USP31: variants seen among roughly 807,000 people sequenced by gnomAD.
USP31 encodes ubiquitin carboxyl-terminal hydrolase 31.
Under a neutral mutation model 119.4 loss-of-function variants are expected in USP31, and 44 were observed. The ratio of observed to expected loss-of-function variants is 0.37; its 90% CI spans 0.29 to 0.47. USP31 has a LOEUF of 0.47. Ranked by LOEUF, USP31 falls within the 20% of genes least tolerant of loss-of-function variation. The pLI is 0.99. For synonymous variants in USP31, 749 were observed against 705.6 expected (o/e 1.06, Z -0.97); for missense variants, 1,643 against 1,730.2 (o/e 0.95, Z 0.89).
chr16:23,106,930 T>A (rs538548197), intron 2 of USP31, among the ~76,000 whole-genome samples: 1 of 151,936 alleles, frequency 6.6e-6, no homozygotes, highest in Admixed American at 6.6e-5. Flanking sequence ...CTGACCAACA[T>A]GGAGAAACCC....
intron 6 of USP31, among the ~76,000 whole-genome samples, chr16:23,092,713 A>G (rs1901421149): frequency 6.6e-6 from 1 of 152,210 alleles, no homozygotes; most frequent in Non-Finnish European, 1.5e-5. Flanking sequence ...TCAAAGAAGA[A>G]TAAGTGAAAT....
chr16:23,088,562 G>T (rs943856060), intron 7 of USP31, among the ~76,000 whole-genome samples: 4 of 152,134 alleles, frequency 2.6e-5, no homozygotes, highest in Admixed American at 6.5e-5. Flanking sequence ...TGAATTCCCT[G>T]AATGTGTCCT....
chr16:23,144,945 G>A (rs572308048), intron 1 of USP31, among the ~76,000 whole-genome samples: 1 of 152,266 alleles, frequency 6.6e-6, no homozygotes, highest in African/African-American at 2.4e-5. Context: ...ATCACCTCTG[G>A]ATTTTCAACT....
Position 23,148,769 on chromosome 16 carries a change from G to A in USP31, c.502C>T (p.Pro168Ser). Residue 168 changes from proline to serine, a missense_variant, in exon 1 of 16, where the codon CCC (proline) becomes TCC (serine). Around this residue, in one of 5 missense-constraint regions of USP31, gnomAD observed 302 missense variants for 262.6 expected, o/e 1.15. Transcript: ENST00000219689. ...LGQYRAGRPEPSPDPEQPAGR... is the reference protein window; with the variant it reads ...LGQYRAGRPESSPDPEQPAGR... The stretch of plus-strand genomic sequence containing the variant: ...GCAGGCTGCTCCGGGTCAGGCGAGG[G>A]CTCGGGCCGCCCCGCCCGGTACTGG... 1 of 1,527,942 alleles carries A rather than the reference G, an allele frequency of 6.5e-7. No homozygotes were observed. Among genetic ancestry groups the A allele is most frequent in the Non-Finnish European group, 8.7e-7 (1 of 1,142,926 alleles). The allele number at this position is 1,527,942 out of a possible 1,614,324, so 94.6% of individuals were successfully genotyped here. A position where few individuals can be genotyped will look rare whatever the true frequency, so the allele number is the denominator to read the frequency against.
rs1178813324 is a variant in USP31, at chr16:23,063,125, C to A, written c.*4921G>T. On this transcript the variant is annotated 3_prime_UTR_variant, in exon 16 of 16. Transcript: ENST00000219689. ...TGATTCTAGTTAATGTGGGTCTTCA[C>A]TATCTCAGACAAGTCATTCAGAAGA... 2.0e-5 allele frequency: 3 copies of A among 152,220 alleles called. No individual in the cohort carries two copies. The highest frequency in any genetic ancestry group is 2.9e-5 in the Non-Finnish European group (2 of 68,042). The allele number at this position is 152,220 out of a possible 1,614,324, so 9.4% of individuals were successfully genotyped here. A position where few individuals can be genotyped will look rare whatever the true frequency, so the allele number is the denominator to read the frequency against.
chr16:23,108,037 C>A lies in USP31; in HGVS notation c.771+9G>T, dbSNP rs764270127. 1.9e-6 allele frequency: 3 copies of A among 1,609,082 alleles called. No individual in the cohort carries two copies. The highest frequency in any genetic ancestry group is 2.2e-5 in the East Asian group (1 of 44,754). ...TGGCTGACTGCCCTAGGGCAGCATG[C>A]GTCCTTACCTTCAGAGGAGGCTGGC... On this transcript the variant is annotated intron_variant, in intron 2 of 15. Transcript: ENST00000219689.
chr16:23,122,049 T>A (rs1385046716), intron 1 of USP31, among the ~76,000 whole-genome samples: 1 of 152,192 alleles, frequency 6.6e-6, no homozygotes, highest in Non-Finnish European at 1.5e-5. Context: ...AAAATCTGGA[T>A]ATATGGTTTG....
intron 2 of USP31, among the ~76,000 whole-genome samples, chr16:23,107,369 C>A (rs1439113381): frequency 6.6e-6 from 1 of 152,056 alleles, no homozygotes. Context: ...GTCAGCCACA[C>A]GCATATAGTC....
At chr16:23,128,289 A>T (rs1902927513) in intron 1 of USP31, among the ~76,000 whole-genome samples, 1 of 152,204 alleles carries the variant, frequency 6.6e-6, no homozygotes, top group Non-Finnish European at 1.5e-5. Flanking sequence ...AGCCTGGAAC[A>T]TCTTAAGATC....
intron 4 of USP31, 43 bp downstream of exon 4, chr16:23,106,170 C>G: frequency 6.2e-7 from 1 of 1,609,308 alleles, no homozygotes; most frequent in African/African-American, 1.3e-5. Context: ...CAAAGGGATA[C>G]CATAAGAAAA....
chr16:23,148,512 A>C, intron 1 of USP31, 126 bp downstream of exon 1: 1 of 1,295,410 alleles, frequency 7.7e-7, no homozygotes, highest in Non-Finnish European at 9.9e-7. Flanking sequence ...TCGACTGCCC[A>C]GACCACTCGG....
At chr16:23,123,915 C>T (rs1902763105) in intron 1 of USP31, among the ~76,000 whole-genome samples, 1 of 151,892 alleles carries the variant, frequency 6.6e-6, no homozygotes, top group East Asian at 1.9e-4. Flanking sequence ...GAGAAGATTA[C>T]TTGAGCCTGG....
chr16:23,101,675 G>A (rs934554205), intron 6 of USP31, among the ~76,000 whole-genome samples: 3 of 152,096 alleles, frequency 2.0e-5, no homozygotes, highest in Non-Finnish European at 2.9e-5. Flanking sequence ...CTGGGGTAGA[G>A]CAAAAGAAGA....
intron 9 of USP31, 152 bp downstream of exon 9, chr16:23,086,940 A>G (rs919742425): frequency 3.4e-6 from 2 of 594,882 alleles, no homozygotes; most frequent in Non-Finnish European, 5.8e-6. Context: ...CATATACCCA[A>G]GCACAAATCA....
At chr16:23,085,741 T>C in intron 9 of USP31, 79 bp from the exon 10 acceptor site, 3 of 1,213,950 alleles carry the variant, frequency 2.5e-6, no homozygotes, top group South Asian at 1.3e-5. Context: ...GATTATGTCC[T>C]ACCCAAAATC....
At chr16:23,088,773 A>AT (rs1901226082) in intron 7 of USP31, among the ~76,000 whole-genome samples, 1 of 152,214 alleles carries the variant, frequency 6.6e-6, no homozygotes, top group African/African-American at 2.4e-5. Context: ...GCCTCCACCA[A>AT]TAGGCTGTGA....
At chr16:23,077,455 G>A (rs1224829833) in intron 13 of USP31, among the ~76,000 whole-genome samples, 1 of 152,210 alleles carries the variant, frequency 6.6e-6, no homozygotes, top group Non-Finnish European at 1.5e-5. Context: ...CAGTGAGTAT[G>A]AAAGGTAGCA....
chr16:23,120,499 T>G (rs1300369453), intron 1 of USP31, among the ~76,000 whole-genome samples: 1 of 152,232 alleles, frequency 6.6e-6, no homozygotes, highest in Non-Finnish European at 1.5e-5. Flanking sequence ...CCTCTGGATC[T>G]TAACCACTGG....
intron 1 of USP31, among the ~76,000 whole-genome samples, chr16:23,113,416 A>C (rs1902386062): frequency 6.6e-6 from 1 of 152,208 alleles, no homozygotes; most frequent in Non-Finnish European, 1.5e-5. Context: ...AAGGTCACGG[A>C]AAAGCTGCCC....
Sources: allele counts gnomAD v4.1 joint callset (sites outside exome capture counted in the v4.1 genomes callset), GRCh38; gene constraint gnomAD v4.1.1; regional missense constraint gnomAD v4.1.1; transcripts MANE v1.5; gene names NCBI Gene and HGNC (gene_info 2026-07-23, HGNC 2026-07-21).